Variants in PLEKHA4 observed in about 807,000 individuals in gnomAD.
PLEKHA4 encodes the protein pleckstrin homology domain containing A4, also known as pleckstrin homology domain-containing family A member 4.
Under a neutral mutation model 94.7 loss-of-function variants are expected in PLEKHA4, and 73 were observed. That is an observed-to-expected ratio of 0.77 (90% CI 0.64 to 0.94). The LOEUF (loss-of-function observed/expected upper bound fraction) is 0.94, where lower values mean the gene tolerates loss of function less well. PLEKHA4 is among the 40% of genes least tolerant of loss of function. PLEKHA4 has a pLI of 0.00. For missense variants in PLEKHA4, 1,049 were observed against 1,054.1 expected (o/e 1.00, Z 0.07); for synonymous variants, 449 against 437.1 (o/e 1.03, Z -0.34).
At chr19:48,846,701 G>C (rs2035983305) in intron 14 of PLEKHA4, among the ~76,000 whole-genome samples, 1 of 152,198 alleles carries the variant, frequency 6.6e-6, no homozygotes, top group Non-Finnish European at 1.5e-5. Flanking sequence ...CCCAGAGATG[G>C]AGGTTCCAGT....
intron 16 of PLEKHA4, among the ~76,000 whole-genome samples, chr19:48,843,182 T>C (rs1011101647): frequency 6.6e-5 from 10 of 152,144 alleles, no homozygotes; most frequent in South Asian, 2.1e-4. Context: ...TTTATTTTAT[T>C]TTATTTTATT....
intron 16 of PLEKHA4, among the ~76,000 whole-genome samples, chr19:48,841,583 C>T (rs1375706784): frequency 1.3e-5 from 2 of 151,878 alleles, no homozygotes; most frequent in East Asian, 1.9e-4. Context: ...GCCGAGATCA[C>T]GCCACTGCAC....
chr19:48,852,359 G>A (rs371067168), intron 12 of PLEKHA4, 33 bp from the exon 13 acceptor site: 1 of 1,521,882 alleles, frequency 6.6e-7, no homozygotes, highest in African/African-American at 1.4e-5. Flanking sequence ...ACATAGGTTA[G>A]GTCCCTCTCC....
intron 12 of PLEKHA4, 138 bp from the exon 13 acceptor site, chr19:48,852,464 C>A: frequency 1.5e-6 from 1 of 645,210 alleles, no homozygotes. Flanking sequence ...CTACAATTCC[C>A]ATGGGCCTCT....
intron 14 of PLEKHA4, 101 bp from the exon 15 acceptor site, chr19:48,845,717 T>C (rs2035944746): frequency 9.6e-7 from 1 of 1,037,454 alleles, no homozygotes; most frequent in Admixed American, 2.9e-5. Flanking sequence ...CTGAATAGGA[T>C]TCAGACCATA....
intron 6 of PLEKHA4, 150 bp downstream of exon 6, chr19:48,860,200 C>T (rs1223376610): frequency 4.6e-6 from 3 of 649,210 alleles, no homozygotes; most frequent in Non-Finnish European, 8.0e-6. Context: ...TGGAAAAGTT[C>T]CCTGGAGGTG....
chr19:48,851,044 G>C (rs2036165521), intron 13 of PLEKHA4, among the ~76,000 whole-genome samples: 1 of 152,052 alleles, frequency 6.6e-6, no homozygotes, highest in Non-Finnish European at 1.5e-5. Context: ...GGGAGGCTGA[G>C]GGAGGAGAAT....
chr19:48,859,737 T>C, intron 6 of PLEKHA4, 53 bp from the exon 7 acceptor site: 2 of 1,497,886 alleles, frequency 1.3e-6, no homozygotes, highest in South Asian at 2.3e-5. Context: ...ATAACAGCCC[T>C]ATTCTCTTGT....
At chr19:48,861,769 A>G in intron 3 of PLEKHA4, 77 bp from the exon 4 acceptor site, 2 of 1,238,102 alleles carry the variant, frequency 1.6e-6, no homozygotes, top group East Asian at 2.5e-5. Context: ...CGATGGGGAC[A>G]GAGAGCCAGA....
intron 16 of PLEKHA4, among the ~76,000 whole-genome samples, chr19:48,844,182 T>G (rs929365703): frequency 3.3e-5 from 5 of 149,832 alleles, no homozygotes; most frequent in African/African-American, 1.2e-4. Context: ...CGAGACAGAG[T>G]CTCGCTCTGT....
chr19:48,865,668 G>A, intron 2 of PLEKHA4, 58 bp from the exon 3 acceptor site: 1 of 1,258,870 alleles, frequency 7.9e-7, no homozygotes, highest in South Asian at 1.2e-5. Flanking sequence ...CCTGGGAGGG[G>A]GTGAGGGTGG....
chr19:48,857,646 G>A (rs2036476718), intron 8 of PLEKHA4, 150 bp from the exon 9 acceptor site: 2 of 606,854 alleles, frequency 3.3e-6, no homozygotes, highest in South Asian at 3.6e-5. Context: ...AACATGTGCT[G>A]TGTCCACTCA....
At chr19:48,859,382 G>C (rs1377970754) in intron 7 of PLEKHA4, 87 bp downstream of exon 7, 6 of 1,409,820 alleles carry the variant, frequency 4.3e-6, no homozygotes, top group East Asian at 2.4e-5. Context: ...ACACACTCAA[G>C]CAGAAAGCGC....
intron 8 of PLEKHA4, among the ~76,000 whole-genome samples, chr19:48,857,704 T>C (rs2123093252): frequency 6.6e-6 from 1 of 151,268 alleles, no homozygotes; most frequent in Non-Finnish European, 1.5e-5. Flanking sequence ...GTTAAACAGA[T>C]GCTTGAAGGC....
At chr19:48,862,539 C>T (rs1455522399) in intron 3 of PLEKHA4, among the ~76,000 whole-genome samples, 3 of 148,394 alleles carry the variant, frequency 2.0e-5, no homozygotes, top group Non-Finnish European at 3.0e-5. Flanking sequence ...GATGGACTCT[C>T]GCTCTGTTGC....
intron 3 of PLEKHA4, among the ~76,000 whole-genome samples, chr19:48,863,725 ACCACGC>A (rs2123167538): frequency 6.6e-6 from 1 of 151,996 alleles, no homozygotes; most frequent in Admixed American, 6.6e-5. Context: ...GGAGTGAGCC[ACCACGC>A]CCAGCCTAAT....
At chr19:48,863,331 G>A (rs1027689722) in intron 3 of PLEKHA4, among the ~76,000 whole-genome samples, 9 of 152,054 alleles carry the variant, frequency 5.9e-5, no homozygotes, top group African/African-American at 2.2e-4. Flanking sequence ...TCGGCTGACT[G>A]CAATCTCTGC....
At chr19:48,839,929 G>A (rs1239856871) in intron 17 of PLEKHA4, among the ~76,000 whole-genome samples, 2 of 121,076 alleles carry the variant, frequency 1.7e-5, no homozygotes, top group African/African-American at 5.4e-5. Context: ...TGTAAACCCC[G>A]TCTCTACTAA....
chr19:48,857,847 C>T lies in PLEKHA4; in HGVS notation c.973-351G>A, dbSNP rs914988090. ...TTCACTTGTTTATCTGCTGACCTTC[C>T]CTCCACTATTGTCCTATGACCCTGC... On this transcript the variant is annotated intron_variant, in intron 8 of 19. Coordinates refer to ENST00000263265, the MANE Select transcript of PLEKHA4 (RefSeq NM_020904.3). 9.3e-5 allele frequency among the ~76,000 whole-genome samples: 14 copies of T among 150,898 alleles called. No individual in the cohort carries two copies. The Admixed American group carries it at 9.3e-4, about 10-fold the overall frequency.
Sources: gnomAD v4.1 joint callset for allele counts (sites outside exome capture counted in the v4.1 genomes callset) on GRCh38, gnomAD v4.1.1 for gene constraint, MANE v1.5 for transcripts, NCBI Gene and HGNC (gene_info 2026-07-23, HGNC 2026-07-21) for gene names.